Variants in DTNB observed in about 807,000 individuals in gnomAD.
The protein encoded by DTNB is dystrobrevin beta, also known as DTN-B.
In DTNB, 63 loss-of-function variants were observed where a neutral mutation model predicts 90.7. That is an observed-to-expected ratio of 0.69 (90% CI 0.57 to 0.86). The LOEUF (loss-of-function observed/expected upper bound fraction) is 0.86, where lower values mean the gene tolerates loss of function less well. Ranked by LOEUF, DTNB falls within the 40% of genes least tolerant of loss-of-function variation. The pLI is 0.00. For missense variants in DTNB, 744 were observed against 807.1 expected (o/e 0.92, Z 0.95); for synonymous variants, 277 against 286.7 (o/e 0.97, Z 0.34).
At chr2:25,411,578 T>A (rs184850926) in intron 16 of DTNB, among the ~76,000 whole-genome samples, 1 of 151,988 alleles carries the variant, frequency 6.6e-6, no homozygotes, top group Non-Finnish European at 1.5e-5. Flanking sequence ...CGACCCAGGA[T>A]AAAGGTTTGT....
At chr2:25,462,646 C>A (rs758073383) in intron 10 of DTNB, among the ~76,000 whole-genome samples, 1 of 152,114 alleles carries the variant, frequency 6.6e-6, no homozygotes, top group Non-Finnish European at 1.5e-5. Flanking sequence ...TCATTAGCAA[C>A]AAGGTACTTG....
At chr2:25,446,548 A>G (rs956300587) in intron 12 of DTNB, among the ~76,000 whole-genome samples, 2 of 151,916 alleles carry the variant, frequency 1.3e-5, no homozygotes, top group African/African-American at 2.4e-5. Context: ...GAGCCACTGT[A>G]TCTGGCTTTG....
intron 16 of DTNB, among the ~76,000 whole-genome samples, chr2:25,405,516 G>A (rs1304413549): frequency 6.6e-6 from 1 of 151,936 alleles, no homozygotes; most frequent in Non-Finnish European, 1.5e-5. Flanking sequence ...CTCCACCCTG[G>A]GTGACAGAAC....
In DTNB at chr2:25,412,460, C is replaced by T. The variant is rs189048770; in HGVS notation, c.1575+7055G>A. The stretch of plus-strand genomic sequence containing the variant: ...AGTGCCAGGTATATTATCCTTTGGC[C>T]CACTGCCCCACTACCTAAGCTGGGC... On this transcript the variant is annotated intron_variant, in intron 16 of 20. Transcript: ENST00000406818. 1.5e-3 allele frequency among the ~76,000 whole-genome samples: 225 copies of T among 152,280 alleles called. 5 individuals are homozygous for T. Among genetic ancestry groups the T allele is most frequent in the Non-Finnish European group, 2.7e-3 (182 of 68,030 alleles).
chr2:25,533,259 G>A (rs1429275828), intron 8 of DTNB, among the ~76,000 whole-genome samples: 4 of 152,158 alleles, frequency 2.6e-5, no homozygotes, highest in African/African-American at 4.8e-5. Flanking sequence ...CCGGGCCGAC[G>A]AGGCTGCAGT....
At chr2:25,519,340 C>T (rs1283856536) in intron 9 of DTNB, among the ~76,000 whole-genome samples, 2 of 148,378 alleles carry the variant, frequency 1.3e-5, no homozygotes, top group Admixed American at 6.7e-5. Flanking sequence ...ACTTTAGCCT[C>T]GGTGACAGAT....
chr2:25,631,843 C>T (rs756235569), intron 3 of DTNB, among the ~76,000 whole-genome samples: 3 of 152,070 alleles, frequency 2.0e-5, no homozygotes, highest in Non-Finnish European at 4.4e-5. Context: ...AAAGTACAGC[C>T]TCCACTGATG....
intron 9 of DTNB, among the ~76,000 whole-genome samples, chr2:25,508,111 T>C (rs1251885936): frequency 6.6e-6 from 1 of 152,226 alleles, no homozygotes; most frequent in Non-Finnish European, 1.5e-5. Flanking sequence ...ATAGCACTTA[T>C]TACCTTCTAA....
At chr2:25,628,543 G>C (rs922292937) in intron 3 of DTNB, among the ~76,000 whole-genome samples, 159 bp from the exon 4 acceptor site, 3 of 152,126 alleles carry the variant, frequency 2.0e-5, no homozygotes, top group Admixed American at 6.5e-5. Context: ...AAGAACATCA[G>C]TCCCAGACAA....
At chr2:25,436,382 G>A (rs1574429855) in intron 12 of DTNB, among the ~76,000 whole-genome samples, 1 of 151,968 alleles carries the variant, frequency 6.6e-6, no homozygotes, top group African/African-American at 2.4e-5. Context: ...AACATGAGTA[G>A]GTGGTGGCTC....
chr2:25,567,957 G>A (rs752295641), intron 8 of DTNB, among the ~76,000 whole-genome samples: 4 of 152,264 alleles, frequency 2.6e-5, no homozygotes, highest in East Asian at 1.9e-4. Context: ...TCAAGAGATC[G>A]AGACCATCCT....
chr2:25,588,369 CTTT>C (rs57551264), intron 6 of DTNB, among the ~76,000 whole-genome samples: 1 of 144,274 alleles, frequency 6.9e-6, no homozygotes. Flanking sequence ...CTTCCGAGAA[CTTT>C]TTTTTTTTTT....
At chr2:25,630,738 G>A (rs1476765973) in intron 3 of DTNB, among the ~76,000 whole-genome samples, 1 of 151,354 alleles carries the variant, frequency 6.6e-6, no homozygotes, top group Non-Finnish European at 1.5e-5. Flanking sequence ...CAGCTACTCA[G>A]GAGGCTGAGG....
At chr2:25,513,183 C>T (rs920396832) in intron 9 of DTNB, among the ~76,000 whole-genome samples, 3 of 152,164 alleles carry the variant, frequency 2.0e-5, no homozygotes, top group African/African-American at 7.2e-5. Context: ...AAATTGCAGT[C>T]AGTATACAAA....
intron 5 of DTNB, 61 bp from the exon 6 acceptor site, chr2:25,596,301 C>T (rs1363608705): frequency 4.0e-6 from 6 of 1,500,748 alleles, no homozygotes; most frequent in Non-Finnish European, 5.3e-6. Context: ...TTATAAATGG[C>T]TCTATGTCAT....
In DTNB at chr2:25,388,283, A is replaced by T; in HGVS notation, c.1654T>A (p.Ser552Thr). The T allele has an allele frequency of 6.2e-7, 1 of 1,612,744 alleles. No homozygotes were observed. The highest frequency in any genetic ancestry group is 8.5e-7 in the Non-Finnish European group (1 of 1,179,474). The change falls in exon 17 of 21, where the codon TCT (serine) becomes ACT (threonine). Residue 552 changes from serine to threonine, a missense_variant. Transcript: ENST00000406818. ...RPMPMPVRST[S>T]AGSTPTHCPQ... ...CAGTGGGTGGGGGTGGAGCCGGCAG[A>T]CGTGGAGCGCACTGGCATGGGCATT...
intron 16 of DTNB, among the ~76,000 whole-genome samples, chr2:25,392,495 A>G (rs2041410848): frequency 6.6e-6 from 1 of 152,242 alleles, no homozygotes; most frequent in Non-Finnish European, 1.5e-5. Flanking sequence ...TTGATAGACC[A>G]TTAGCAAGAT....
In DTNB at chr2:25,455,509, G is replaced by A. The variant is rs1242161804; in HGVS notation, c.1080-15C>T. 1 of 1,596,946 alleles carries A rather than the reference G, an allele frequency of 6.3e-7. No homozygotes were observed. On this transcript the variant is annotated splice_polypyrimidine_tract_variant and intron_variant, in intron 10 of 20. Coordinates refer to ENST00000406818, the MANE Select transcript of DTNB (RefSeq NM_021907.5). ...TATACTGTAACCTAGGAACAATGGA[G>A]GCAAAGACAGCAAGCGTGACACAAA...
At chr2:25,478,531 C>CT (rs968205791) in intron 10 of DTNB, among the ~76,000 whole-genome samples, 18 of 147,620 alleles carry the variant, frequency 1.2e-4, no homozygotes, top group African/African-American at 9.9e-5. Flanking sequence ...TCTTCTTCTT[C>CT]TTTTTTTTTT....
Sources: gnomAD v4.1 joint callset for allele counts (sites outside exome capture counted in the v4.1 genomes callset) on GRCh38, gnomAD v4.1.1 for gene constraint, MANE v1.5 for transcripts, NCBI Gene and HGNC (gene_info 2026-07-23, HGNC 2026-07-21) for gene names.